Variants in CYRIA observed in about 807,000 individuals in gnomAD.
CYRIA encodes CYFIP related Rac1 interactor A.
A neutral mutation model predicts 43.9 loss-of-function variants in CYRIA; 15 were observed. That is an observed-to-expected ratio of 0.34 (90% CI 0.23 to 0.53). The LOEUF (loss-of-function observed/expected upper bound fraction) is 0.53, where lower values mean the gene tolerates loss of function less well. Ranked by LOEUF, CYRIA falls within the 20% of genes least tolerant of loss-of-function variation. CYRIA has a pLI of 0.94. For synonymous variants in CYRIA, 117 were observed against 136.0 expected, an observed-to-expected ratio of 0.86 and a Z score of 0.97; for missense variants, 236 against 394.2, an observed-to-expected ratio of 0.60 and a Z score of 3.40.
chr2:16,560,672 T>A (rs1046245811), intron 9 of CYRIA: 1 of 370,354 alleles, frequency 2.7e-6, no homozygotes, highest in Non-Finnish European at 5.0e-6. Context: ...TTTATCATGA[T>A]GTCCCATCAT....
rs115732016 is a variant in CYRIA, at chr2:16,663,455, G to A, written c.-167+2325C>T. Reference sequence around the variant, plus strand: ...CTGGCAGGGAATGGAAAAGAAGAGCGTGTACTGAAGAAAAAAACACCAGGG... The same window carrying A: ...CTGGCAGGGAATGGAAAAGAAGAGCATGTACTGAAGAAAAAAACACCAGGG... On this transcript the variant is annotated intron_variant, in intron 1 of 11. Coordinates refer to ENST00000381323, the MANE Select transcript of CYRIA (RefSeq NM_030797.4). 8.3e-3 allele frequency among the ~76,000 whole-genome samples: 1,269 copies of A among 152,206 alleles called. 22 individuals are homozygous for A. The highest frequency in any genetic ancestry group is 0.029 in the African/African-American group (1,198 of 41,516).
rs185556937 is a variant in CYRIA at position 16,579,827 on chromosome 2, T to C, written c.70+8223A>G. Among the ~76,000 whole-genome samples, 124 of 152,176 alleles carry C rather than the reference T, an allele frequency of 8.1e-4. No homozygotes were observed. The East Asian group carries it at 0.013, about 16-fold the overall frequency. Reference sequence around the variant, plus strand: ...ACCAAGATAGACTCAAATATAAACATTGATTAATGCAATACAATAATTAAT... The same window carrying C: ...ACCAAGATAGACTCAAATATAAACACTGATTAATGCAATACAATAATTAAT... On this transcript the variant is annotated intron_variant, in intron 3 of 11. Transcript: ENST00000381323.
At chr2:16,555,675 A>G (rs560976984) in intron 10 of CYRIA, among the ~76,000 whole-genome samples, 1 of 152,218 alleles carries the variant, frequency 6.6e-6, no homozygotes, top group Admixed American at 6.5e-5. Context: ...TTCTGACCTC[A>G]CTACCTTCAT....
intron 10 of CYRIA, among the ~76,000 whole-genome samples, chr2:16,557,438 G>A (rs967504408): frequency 6.6e-6 from 1 of 152,094 alleles, no homozygotes; most frequent in Non-Finnish European, 1.5e-5. Context: ...AAGAGATCCT[G>A]GGGTTTTCAC....
intron 1 of CYRIA, among the ~76,000 whole-genome samples, chr2:16,624,739 T>C (rs1026750979): frequency 6.6e-6 from 1 of 152,214 alleles, no homozygotes; most frequent in Non-Finnish European, 1.5e-5. Flanking sequence ...CACTCCTTTG[T>C]GCAGAAAACC....
At chr2:16,584,121 C>T (rs779016118) in intron 3 of CYRIA, among the ~76,000 whole-genome samples, 6 of 152,174 alleles carry the variant, frequency 3.9e-5, no homozygotes, top group Non-Finnish European at 8.8e-5. Flanking sequence ...ACAATCCAGC[C>T]TCTATATTCA....
At chr2:16,575,738 C>T (rs1667315216) in intron 3 of CYRIA, among the ~76,000 whole-genome samples, 1 of 151,942 alleles carries the variant, frequency 6.6e-6, no homozygotes, top group Non-Finnish European at 1.5e-5. Context: ...CGCCTGTAGT[C>T]CCAGCTACTC....
intron 2 of CYRIA, among the ~76,000 whole-genome samples, chr2:16,591,139 T>C (rs913221900): frequency 1.4e-5 from 2 of 144,986 alleles, no homozygotes; most frequent in African/African-American, 5.5e-5. Flanking sequence ...TTAATTCATA[T>C]AGAGCTTATT....
At chr2:16,590,662 T>C (rs1413903931) in intron 2 of CYRIA, among the ~76,000 whole-genome samples, 1 of 152,104 alleles carries the variant, frequency 6.6e-6, no homozygotes, top group African/African-American at 2.4e-5. Flanking sequence ...GTTATCTCAG[T>C]GGATTGGCTG....
At chr2:16,606,104 A>C (rs1668387543) in intron 2 of CYRIA, among the ~76,000 whole-genome samples, 1 of 152,100 alleles carries the variant, frequency 6.6e-6, no homozygotes, top group Non-Finnish European at 1.5e-5. Context: ...TTCTGTCCCC[A>C]GCTCCAGGCC....
chr2:16,619,700 C>T (rs961507924), intron 2 of CYRIA, among the ~76,000 whole-genome samples: 1 of 152,142 alleles, frequency 6.6e-6, no homozygotes, highest in African/African-American at 2.4e-5. Context: ...TCTTTTTAGT[C>T]GCTGTTGGGA....
intron 4 of CYRIA, 29 bp from the exon 5 acceptor site, chr2:16,564,123 T>TA: frequency 6.5e-7 from 1 of 1,547,638 alleles, no homozygotes. Flanking sequence ...GCTGACTGTT[T>TA]AAAAAGAAGT....
At chr2:16,600,435 A>G (rs1453658851) in intron 2 of CYRIA, among the ~76,000 whole-genome samples, 2 of 152,196 alleles carry the variant, frequency 1.3e-5, no homozygotes, top group African/African-American at 4.8e-5. Flanking sequence ...ACCTTTAACA[A>G]TTACTCTGAG....
At chr2:16,606,179 C>T (rs1668389831) in intron 2 of CYRIA, among the ~76,000 whole-genome samples, 5 of 152,008 alleles carry the variant, frequency 3.3e-5, no homozygotes, top group African/African-American at 1.2e-4. Flanking sequence ...ACCTCACTTT[C>T]CACTCTTTCC....
intron 3 of CYRIA, among the ~76,000 whole-genome samples, chr2:16,572,389 T>C (rs1397370173): frequency 6.6e-6 from 1 of 152,066 alleles, no homozygotes; most frequent in Admixed American, 6.6e-5. Flanking sequence ...TTCCCAGGTA[T>C]GTTCTGTTTT....
At chr2:16,657,896 G>C (rs952128556) in intron 1 of CYRIA, among the ~76,000 whole-genome samples, 3 of 152,136 alleles carry the variant, frequency 2.0e-5, no homozygotes, top group Non-Finnish European at 4.4e-5. Context: ...GCTTTCAAAT[G>C]CATGATGAAA....
At chr2:16,591,470 T>G (rs1667927833) in intron 2 of CYRIA, among the ~76,000 whole-genome samples, 1 of 152,110 alleles carries the variant, frequency 6.6e-6, no homozygotes, top group Non-Finnish European at 1.5e-5. Context: ...ATGAGAAATC[T>G]CCTCTGGTTT....
intron 1 of CYRIA, among the ~76,000 whole-genome samples, chr2:16,645,099 G>A (rs1232450114): frequency 1.3e-5 from 2 of 152,158 alleles, no homozygotes; most frequent in Non-Finnish European, 2.9e-5. Flanking sequence ...ACAATCCATA[G>A]GCGAGCAGAA....
intron 3 of CYRIA, among the ~76,000 whole-genome samples, chr2:16,579,578 G>A (rs72777918): frequency 0.016 from 2,457 of 152,102 alleles, 38 homozygotes; most frequent in Non-Finnish European, 0.026. Context: ...TAATTTGCAG[G>A]TATACTGTGA....
Sources: gnomAD v4.1 joint callset for allele counts (sites outside exome capture counted in the v4.1 genomes callset) on GRCh38, gnomAD v4.1.1 for gene constraint, MANE v1.5 for transcripts, NCBI Gene and HGNC (gene_info 2026-07-23, HGNC 2026-07-21) for gene names.